NPAS3: variants seen among roughly 807,000 people sequenced by gnomAD.
NPAS3 encodes neuronal PAS domain-containing protein 3.
NPAS3 carries 14 observed loss-of-function variants against 73.1 expected under a neutral mutation model. That is an observed-to-expected ratio of 0.19 (90% CI 0.13 to 0.30). The LOEUF (loss-of-function observed/expected upper bound fraction) is 0.30, where lower values mean the gene tolerates loss of function less well. NPAS3 is among the 10% of genes least tolerant of loss of function. The pLI is 1.00. For synonymous variants in NPAS3, 620 were observed against 541.5 expected (o/e 1.14, Z -2.01); for missense variants, 1,096 against 1,250.0 (o/e 0.88, Z 1.86).
At chr14:33,430,225 C>A (rs2048726208) in intron 4 of NPAS3, among the ~76,000 whole-genome samples, 1 of 152,112 alleles carries the variant, frequency 6.6e-6, no homozygotes, top group Non-Finnish European at 1.5e-5. Flanking sequence ...CAGTTTCCTG[C>A]CTCTATTTCT....
At chr14:33,334,713 G>A (rs574825462) in intron 3 of NPAS3, among the ~76,000 whole-genome samples, 1 of 152,076 alleles carries the variant, frequency 6.6e-6, no homozygotes, top group South Asian at 2.1e-4. Flanking sequence ...TTTTATTTCA[G>A]TAGAATTTTG....
intron 5 of NPAS3, among the ~76,000 whole-genome samples, chr14:33,578,846 C>T (rs748056486): frequency 6.6e-6 from 1 of 152,004 alleles, no homozygotes; most frequent in Non-Finnish European, 1.5e-5. Flanking sequence ...CAAAACAAAA[C>T]AAAAACAGGG....
intron 1 of NPAS3, among the ~76,000 whole-genome samples, chr14:33,041,567 T>C (rs1566495139): frequency 6.6e-6 from 1 of 152,326 alleles, no homozygotes; most frequent in African/African-American, 2.4e-5. Flanking sequence ...CCTGTGACCA[T>C]ATATTAGCCA....
chr14:33,086,618 T>C (rs1232071958), intron 2 of NPAS3, among the ~76,000 whole-genome samples: 1 of 152,184 alleles, frequency 6.6e-6, no homozygotes, highest in African/African-American at 2.4e-5. Flanking sequence ...AAATGTGGAT[T>C]TATGAGTTCT....
chr14:33,071,865 C>T (rs919956236), intron 2 of NPAS3, among the ~76,000 whole-genome samples: 2 of 152,122 alleles, frequency 1.3e-5, no homozygotes, highest in Non-Finnish European at 1.5e-5. Flanking sequence ...CATCAAATTT[C>T]TGAAGAAGAG....
chr14:33,217,962 A>C (rs1208916646), intron 3 of NPAS3, among the ~76,000 whole-genome samples: 1 of 152,114 alleles, frequency 6.6e-6, no homozygotes, highest in Non-Finnish European at 1.5e-5. Flanking sequence ...TTAGGTGAGA[A>C]TTTTCTCAGC....
At chr14:33,391,844 T>C (rs904575937) in intron 4 of NPAS3, among the ~76,000 whole-genome samples, 2 of 152,146 alleles carry the variant, frequency 1.3e-5, no homozygotes, top group Non-Finnish European at 2.9e-5. Flanking sequence ...CAGTAAAAGG[T>C]CTTAGATCAA....
chr14:33,043,395 C>T (rs1349549200), intron 1 of NPAS3, among the ~76,000 whole-genome samples: 1 of 151,976 alleles, frequency 6.6e-6, no homozygotes, highest in Non-Finnish European at 1.5e-5. Flanking sequence ...ATGTTCCCTC[C>T]AATGAATTGT....
intron 5 of NPAS3, among the ~76,000 whole-genome samples, chr14:33,587,077 C>T (rs932374132): frequency 6.6e-6 from 1 of 152,114 alleles, no homozygotes; most frequent in East Asian, 1.9e-4. Flanking sequence ...TCTTCTTTTG[C>T]CTTACTTTCC....
chr14:33,774,666 A>G lies in NPAS3; in HGVS notation c.1046+136A>G, dbSNP rs115674928. The G allele has an allele frequency of 2.0e-3, 1,302 of 658,608 alleles. 12 individuals carry two copies. The African/African-American group carries it at 0.021, about 11-fold the overall frequency. 40.8% of individuals were successfully genotyped at this position (658,608 alleles called of 1,614,324 possible). A position where few individuals can be genotyped will look rare whatever the true frequency, so the allele number is the denominator to read the frequency against. On this transcript the variant is annotated intron_variant, in intron 8 of 11. Transcript: ENST00000356141. ...GATCTTGTTTTTAATGGCCACTTGG[A>G]CTGACACCAAACATGCTTTTTATTT...
chr14:33,304,481 G>A (rs1216082390), intron 3 of NPAS3, among the ~76,000 whole-genome samples: 1 of 151,426 alleles, frequency 6.6e-6, no homozygotes, highest in Non-Finnish European at 1.5e-5. Flanking sequence ...GTAGGTGGTT[G>A]ATTGAATAAC....
chr14:32,986,943 C>T (rs971823936), intron 1 of NPAS3, among the ~76,000 whole-genome samples: 1 of 152,158 alleles, frequency 6.6e-6, no homozygotes, highest in African/African-American at 2.4e-5. Flanking sequence ...CGCTGCCCCG[C>T]GGTGCTGAGA....
chr14:33,721,122 A>G (rs536919953), intron 6 of NPAS3, among the ~76,000 whole-genome samples: 48 of 152,300 alleles, frequency 3.2e-4, no homozygotes, highest in Non-Finnish European at 6.5e-4. Context: ...TTCAAATCAT[A>G]TAAGAGAGAA....
chr14:33,059,728 T>C (rs1291774323), intron 2 of NPAS3, among the ~76,000 whole-genome samples: 1 of 152,212 alleles, frequency 6.6e-6, no homozygotes, highest in Non-Finnish European at 1.5e-5. Flanking sequence ...ATAAAAATAT[T>C]TTCAAATACA....
intron 2 of NPAS3, among the ~76,000 whole-genome samples, chr14:33,090,997 G>A (rs972621718): frequency 6.6e-6 from 1 of 152,164 alleles, no homozygotes; most frequent in East Asian, 1.9e-4. Context: ...GCTGTGTGTC[G>A]ACGGAAATTT....
At chr14:33,373,386 ATGTGTGTG>A (rs5807721) in intron 4 of NPAS3, among the ~76,000 whole-genome samples, 26 of 147,248 alleles carry the variant, frequency 1.8e-4, no homozygotes, top group South Asian at 4.4e-4. Context: ...ATTGAACTAT[ATGTGTGTG>A]TGTGTGTGTG....
At chr14:33,666,435 A>T (rs914597467) in intron 5 of NPAS3, among the ~76,000 whole-genome samples, 3 of 152,208 alleles carry the variant, frequency 2.0e-5, no homozygotes, top group African/African-American at 7.2e-5. Context: ...TGCTACTCAA[A>T]GTGTGAATCG....
intron 2 of NPAS3, among the ~76,000 whole-genome samples, chr14:33,078,921 A>G (rs1395696326): frequency 2.0e-5 from 3 of 152,234 alleles, no homozygotes; most frequent in Non-Finnish European, 4.4e-5. Context: ...AAATAGATTT[A>G]ATATCAGAAA....
At chr14:33,396,611 C>A (rs920507374) in intron 4 of NPAS3, among the ~76,000 whole-genome samples, 2 of 152,092 alleles carry the variant, frequency 1.3e-5, no homozygotes, top group Non-Finnish European at 2.9e-5. Flanking sequence ...TCTATGATAT[C>A]ACATTCACAA....
Sources: gnomAD v4.1 joint callset for allele counts (sites outside exome capture counted in the v4.1 genomes callset) on GRCh38, gnomAD v4.1.1 for gene constraint, MANE v1.5 for transcripts, NCBI Gene and HGNC (gene_info 2026-07-23, HGNC 2026-07-21) for gene names.